The following PLCB1 variants were observed in gnomAD, a reference collection of about 807,000 sequenced individuals.
PLCB1 encodes the protein 1-phosphatidylinositol 4,5-bisphosphate phosphodiesterase beta-1.
PLCB1 carries 46 observed loss-of-function variants against 161.8 expected under a neutral mutation model. The observed-to-expected ratio is 0.28, with a 90% confidence interval of 0.22 to 0.36. The LOEUF (loss-of-function observed/expected upper bound fraction) is 0.36, where lower values mean the gene tolerates loss of function less well. PLCB1 is among the 10% of genes least tolerant of loss of function. The probability of loss-of-function intolerance (pLI) is 1.00; values close to 1 mark genes in which losing one functional copy is unlikely to be tolerated. For synonymous variants in PLCB1, 517 were observed against 503.7 expected, an observed-to-expected ratio of 1.03 and a Z score of -0.35; for missense variants, 1,016 against 1,472.5, an observed-to-expected ratio of 0.69 and a Z score of 5.07.
chr20:8,558,521 T>C (rs1254075355), intron 3 of PLCB1, among the ~76,000 whole-genome samples: 6 of 151,768 alleles, frequency 4.0e-5, no homozygotes, highest in Non-Finnish European at 7.4e-5. Flanking sequence ...GAAAGAATAT[T>C]TGAAGACATA....
chr20:8,248,167 T>C (rs571248124), intron 2 of PLCB1, among the ~76,000 whole-genome samples: 1 of 152,000 alleles, frequency 6.6e-6, no homozygotes, highest in South Asian at 2.1e-4. Flanking sequence ...TTCCAGCCTC[T>C]TCATGACCTC....
chr20:8,210,892 G>C (rs1978787189), intron 2 of PLCB1, among the ~76,000 whole-genome samples: 1 of 152,054 alleles, frequency 6.6e-6, no homozygotes, highest in African/African-American at 2.4e-5. Context: ...ACAAGGCTTG[G>C]TGATGTGACA....
intron 2 of PLCB1, among the ~76,000 whole-genome samples, chr20:8,288,499 G>T (rs1187631749): frequency 1.3e-5 from 2 of 152,218 alleles, no homozygotes; most frequent in Non-Finnish European, 2.9e-5. Flanking sequence ...AGAAGGTCTA[G>T]CCTCAACCTG....
chr20:8,145,047 G>A (rs2051439912), intron 1 of PLCB1, among the ~76,000 whole-genome samples: 1 of 152,174 alleles, frequency 6.6e-6, no homozygotes, highest in Admixed American at 6.5e-5. Flanking sequence ...ATGCTTTGTA[G>A]TAGTTTACTA....
At chr20:8,193,126 T>G (rs578040651) in intron 2 of PLCB1, among the ~76,000 whole-genome samples, 1 of 152,074 alleles carries the variant, frequency 6.6e-6, no homozygotes, top group East Asian at 1.9e-4. Context: ...TGACACGTAT[T>G]TTGTAGGAGA....
At chr20:8,316,282 C>T (rs1276302392) in intron 2 of PLCB1, among the ~76,000 whole-genome samples, 1 of 152,146 alleles carries the variant, frequency 6.6e-6, no homozygotes, top group Non-Finnish European at 1.5e-5. Context: ...TGCTCTTAGA[C>T]ACATTTTTTT....
intron 31 of PLCB1, among the ~76,000 whole-genome samples, chr20:8,864,582 G>A (rs1020336632): frequency 6.6e-6 from 1 of 152,108 alleles, no homozygotes; most frequent in Admixed American, 6.5e-5. Flanking sequence ...GGGAGAGGAG[G>A]CCACAAAAAG....
intron 3 of PLCB1, among the ~76,000 whole-genome samples, chr20:8,392,807 AT>A (rs1309861181): frequency 6.6e-6 from 1 of 152,214 alleles, no homozygotes; most frequent in Non-Finnish European, 1.5e-5. Context: ...TCAATGTACC[AT>A]AAAAAAGTGA....
At chr20:8,269,243 A>T (rs1403165245) in intron 2 of PLCB1, among the ~76,000 whole-genome samples, 3 of 150,734 alleles carry the variant, frequency 2.0e-5, no homozygotes, top group Non-Finnish European at 4.4e-5. Flanking sequence ...CATCCCCCCA[A>T]CCCCTGACAG....
Position 8,777,830 on chromosome 20 carries a change from T to G in PLCB1, c.3111+3111T>G, listed in dbSNP as rs111294256. 2.9e-3 allele frequency among the ~76,000 whole-genome samples: 437 copies of G among 152,202 alleles called. 2 individuals carry two copies. Among genetic ancestry groups the G allele is most frequent in the African/African-American group, 1.0e-2 (415 of 41,520 alleles). ...GAAGGAGGTTTAACTGGACTTAAAC[T>G]TCACCGTGACTGGGGAAGCCTCACA... On this transcript the variant is annotated intron_variant, in intron 27 of 31. Transcript: ENST00000338037.
intron 2 of PLCB1, among the ~76,000 whole-genome samples, chr20:8,268,705 T>C (rs964049796): frequency 3.9e-5 from 6 of 152,204 alleles, no homozygotes; most frequent in African/African-American, 7.2e-5. Context: ...ATTTGCATTT[T>C]TCTGATGGCC....
Position 8,775,073 on chromosome 20 carries a change from CTTTTTTTTTT to C in PLCB1, c.3111+368_3111+377del, listed in dbSNP as rs71184112. On this transcript the variant is annotated intron_variant, in intron 27 of 31. Transcript: ENST00000338037. ...AGAACATGTTGCAAACAAATTTTCC[CTTTTTTTTTT>C]TTTTTTTTTTTTTGGTAGCACTGGG... Among the ~76,000 whole-genome samples, 720 of 123,916 alleles carry C rather than the reference CTTTTTTTTTT, an allele frequency of 5.8e-3. 5 individuals are homozygous for C. The highest frequency in any genetic ancestry group is 0.013 in the Admixed American group (153 of 11,924). The allele number at this position is 123,916 out of a possible 152,430, so 81.3% of individuals were successfully genotyped here.
chr20:8,700,249 C>G (rs549967426), intron 11 of PLCB1, among the ~76,000 whole-genome samples: 2 of 152,360 alleles, frequency 1.3e-5, no homozygotes, highest in East Asian at 3.9e-4. Context: ...CCCCAGGCCA[C>G]TGCCCTGTCT....
intron 31 of PLCB1, among the ~76,000 whole-genome samples, chr20:8,838,662 C>T (rs1461740676): frequency 7.9e-5 from 12 of 152,222 alleles, no homozygotes; most frequent in Non-Finnish European, 1.5e-4. Flanking sequence ...AGCAGTACCA[C>T]ATTCCTGAAG....
chr20:8,401,313 T>C (rs1201228364), intron 3 of PLCB1, among the ~76,000 whole-genome samples: 1 of 152,238 alleles, frequency 6.6e-6, no homozygotes, highest in Non-Finnish European at 1.5e-5. Context: ...CCTTGTAGAA[T>C]TATTGCCTTC....
chr20:8,823,728 C>T (rs942081168), intron 31 of PLCB1, among the ~76,000 whole-genome samples: 3 of 152,098 alleles, frequency 2.0e-5, no homozygotes, highest in Admixed American at 6.6e-5. Flanking sequence ...CAATTTATAT[C>T]CCTTTGATTT....
At chr20:8,493,954 C>T (rs6140626) in intron 3 of PLCB1, among the ~76,000 whole-genome samples, 26 of 91,324 alleles carry the variant, frequency 2.8e-4, no homozygotes, top group African/African-American at 1.2e-3. Flanking sequence ...CACTGGAAGC[C>T]GAACCTCAGG....
chr20:8,390,065 A>G (rs1222644091), intron 3 of PLCB1, among the ~76,000 whole-genome samples: 6 of 152,070 alleles, frequency 3.9e-5, no homozygotes, highest in African/African-American at 7.2e-5. Flanking sequence ...CTTAAACTTG[A>G]CCACTATACT....
chr20:8,800,111 A>G (rs1277461894), intron 31 of PLCB1, among the ~76,000 whole-genome samples: 1 of 152,242 alleles, frequency 6.6e-6, no homozygotes, highest in African/African-American at 2.4e-5. Context: ...ATGAAGAAGT[A>G]CTTGGAGATG....
Sources: allele counts gnomAD v4.1 joint callset (sites outside exome capture counted in the v4.1 genomes callset), GRCh38; gene constraint gnomAD v4.1.1; transcripts MANE v1.5; gene names NCBI Gene and HGNC (gene_info 2026-07-23, HGNC 2026-07-21).